The following ZNF385D variants were observed in gnomAD, a reference collection of about 807,000 sequenced individuals.
The protein encoded by ZNF385D is zinc finger protein 385D.
Under a neutral mutation model 35.8 loss-of-function variants are expected in ZNF385D, and 15 were observed. The observed-to-expected ratio is 0.42, with a 90% CI of 0.28 to 0.64. The LOEUF (loss-of-function observed/expected upper bound fraction) is 0.64. Ranked by LOEUF, ZNF385D falls within the 30% of genes least tolerant of loss-of-function variation. The pLI, the probability that ZNF385D is intolerant of heterozygous loss-of-function variation, is 0.23. For missense variants in ZNF385D, 474 were observed against 494.6 expected (o/e 0.96, Z 0.39); for synonymous variants, 212 against 186.8 (o/e 1.13, Z -1.10).
At chr3:22,278,586 T>G (rs1366729997) in intron 2 of ZNF385D, among the ~76,000 whole-genome samples, 1 of 152,130 alleles carries the variant, frequency 6.6e-6, no homozygotes, top group Non-Finnish European at 1.5e-5. Flanking sequence ...AGTTCTATAA[T>G]TCTCCTCTTC....
chr3:22,346,082 G>C (rs1695646533), intron 2 of ZNF385D, among the ~76,000 whole-genome samples: 1 of 152,126 alleles, frequency 6.6e-6, no homozygotes, highest in African/African-American at 2.4e-5. Context: ...GCAATGAGCT[G>C]AAAATGGAAA....
At chr3:21,732,030 G>GTTTTTTTTTTTTTTTTTTTTTTTTT (rs1214143626) in intron 1 of ZNF385D, among the ~76,000 whole-genome samples, 1 of 37,370 alleles carries the variant, frequency 2.7e-5, no homozygotes, top group African/African-American at 8.3e-5. Context: ...TTTTTTCGGG[G>GTTTTTTTTTTTTTTTTTTTTTTTTT]TTTTTTTTTT....
chr3:21,930,074 GGTAC>G (rs1462834736), intron 3 of ZNF385D, among the ~76,000 whole-genome samples: 1 of 151,904 alleles, frequency 6.6e-6, no homozygotes, highest in African/African-American at 2.4e-5. Context: ...CAAGACAAGT[GGTAC>G]TAATATAAGG....
At chr3:22,159,831 C>A (rs918761443) in intron 3 of ZNF385D, among the ~76,000 whole-genome samples, 3 of 151,986 alleles carry the variant, frequency 2.0e-5, no homozygotes, top group Non-Finnish European at 4.4e-5. Flanking sequence ...CATGGCCTCC[C>A]CTCGGCTGAA....
chr3:21,790,524 G>GA (rs796617234), intron 3 of ZNF385D, among the ~76,000 whole-genome samples: 2 of 152,054 alleles, frequency 1.3e-5, no homozygotes, highest in Admixed American at 6.5e-5. Context: ...AAAGATTACT[G>GA]AAAAAAATAA....
chr3:22,000,934 GA>G (rs1695801555), intron 3 of ZNF385D, among the ~76,000 whole-genome samples: 1 of 151,116 alleles, frequency 6.6e-6, no homozygotes, highest in Non-Finnish European at 1.5e-5. Context: ...GAAGTGTAAG[GA>G]AAATTATCTG....
chr3:21,757,120 CTTTTTT>C (rs61226426), intron 3 of ZNF385D, among the ~76,000 whole-genome samples: 12,863 of 106,534 alleles, frequency 0.12, 965 homozygotes, highest in East Asian at 0.4. Context: ...ATAAATTTCT[CTTTTTT>C]TTTTTTTTTT....
Position 22,243,164 on chromosome 3 carries a change from A to C in ZNF385D, c.107-74129T>G, listed in dbSNP as rs941609175. Among the ~76,000 whole-genome samples, 3 of 150,904 alleles carry C rather than the reference A, an allele frequency of 2.0e-5. No individual in the cohort carries two copies. In the South Asian group the frequency reaches 6.5e-4, roughly 33 times the overall value. ...CTAGTATCTAGAATATAAAAATAAC[A>C]CTTGCAACCCAATAATAAAAAAACA... is the stretch of plus-strand genomic sequence containing the variant. On this transcript the variant is annotated intron_variant, in intron 2 of 5. Transcript: ENST00000494108.
intron 3 of ZNF385D, among the ~76,000 whole-genome samples, chr3:21,838,710 G>C (rs1399813531): frequency 6.6e-6 from 1 of 152,042 alleles, no homozygotes. Context: ...TTAATAATAT[G>C]ATCACAACCC....
chr3:22,274,664 A>T (rs992742250), intron 2 of ZNF385D, among the ~76,000 whole-genome samples: 1 of 151,546 alleles, frequency 6.6e-6, no homozygotes, highest in East Asian at 1.9e-4. Context: ...ATTTTAGTAA[A>T]TTTTTTAAAA....
In ZNF385D at chr3:21,526,687, T is replaced by C. The variant is rs373436026; in HGVS notation, c.277-15664A>G. 3.3e-5 allele frequency among the ~76,000 whole-genome samples: 5 copies of C among 152,292 alleles called. No individual in the cohort carries two copies. In the South Asian group the frequency reaches 1.0e-3, roughly 32 times the overall value. On this transcript the variant is annotated intron_variant, in intron 3 of 7. Coordinates refer to ENST00000281523, the MANE Select transcript of ZNF385D (RefSeq NM_024697.3). Reference sequence around the variant, plus strand: ...TGTCCGTTAGATTTCGCAACATGTATATTATTGGTAACTGTCATACAAGAC... The same window carrying C: ...TGTCCGTTAGATTTCGCAACATGTACATTATTGGTAACTGTCATACAAGAC...
intron 3 of ZNF385D, among the ~76,000 whole-genome samples, chr3:22,023,131 C>T (rs1697324487): frequency 6.6e-6 from 1 of 152,074 alleles, no homozygotes; most frequent in Admixed American, 6.6e-5. Context: ...ATGGAGGGCA[C>T]AGAATCACAA....
At chr3:21,678,900 C>CT (rs2066812092) in intron 1 of ZNF385D, among the ~76,000 whole-genome samples, 1 of 152,036 alleles carries the variant, frequency 6.6e-6, no homozygotes, top group South Asian at 2.1e-4. Flanking sequence ...TAATGTCCTC[C>CT]TTATAAGCGA....
intron 2 of ZNF385D, among the ~76,000 whole-genome samples, chr3:22,333,207 C>A (rs1695016633): frequency 6.6e-6 from 1 of 152,128 alleles, no homozygotes; most frequent in African/African-American, 2.4e-5. Context: ...ATAAGTTTTT[C>A]TCAGGCTGCT....
intron 3 of ZNF385D, among the ~76,000 whole-genome samples, chr3:22,018,488 T>C (rs923895825): frequency 6.6e-6 from 1 of 152,022 alleles, no homozygotes; most frequent in Non-Finnish European, 1.5e-5. Flanking sequence ...TCAGCTTACC[T>C]GACTTTTAAC....
chr3:21,845,358 T>C (rs144083166), intron 3 of ZNF385D, among the ~76,000 whole-genome samples: 295 of 152,158 alleles, frequency 1.9e-3, no homozygotes, highest in African/African-American at 6.6e-3. Context: ...AACTCAGGCA[T>C]AAAAGCACGA....
chr3:22,349,460 T>G (rs1262246340), intron 2 of ZNF385D, among the ~76,000 whole-genome samples: 1 of 152,168 alleles, frequency 6.6e-6, no homozygotes, highest in Non-Finnish European at 1.5e-5. Flanking sequence ...CTTCCCAATC[T>G]TCTTAAATGT....
chr3:22,132,377 A>G (rs1211075368), intron 3 of ZNF385D, among the ~76,000 whole-genome samples: 1 of 152,164 alleles, frequency 6.6e-6, no homozygotes, highest in African/African-American at 2.4e-5. Context: ...TTCAGAACTG[A>G]GATAAATACA....
chr3:22,031,493 C>A (rs1222247823), intron 3 of ZNF385D, among the ~76,000 whole-genome samples: 1 of 152,212 alleles, frequency 6.6e-6, no homozygotes, highest in Non-Finnish European at 1.5e-5. Flanking sequence ...GAAGCCATGG[C>A]CTGAGCTGCA....
Sources: allele counts gnomAD v4.1 joint callset (sites outside exome capture counted in the v4.1 genomes callset), GRCh38; gene constraint gnomAD v4.1.1; transcripts MANE v1.5; gene names NCBI Gene and HGNC (gene_info 2026-07-23, HGNC 2026-07-21).